SCTR: variants seen among roughly 807,000 people sequenced by gnomAD.
SCTR encodes the protein secretin receptor.
A neutral mutation model predicts 60.8 loss-of-function variants in SCTR; 56 were observed. The ratio of observed to expected loss-of-function variants is 0.92; its 90% CI spans 0.74 to 1.15. The LOEUF is 1.15. Among genes scored for constraint, SCTR ranks in the 50% most tolerant of loss-of-function variants. The pLI is 0.00. For missense variants in SCTR, 562 were observed against 550.4 expected, an observed-to-expected ratio of 1.02 and a Z score of -0.21; for synonymous variants, 202 against 217.0, an observed-to-expected ratio of 0.93 and a Z score of 0.61.
At chr2:119,508,835 T>C (rs1678845816) in intron 1 of SCTR, among the ~76,000 whole-genome samples, 1 of 152,250 alleles carries the variant, frequency 6.6e-6, no homozygotes, top group African/African-American at 2.4e-5. Flanking sequence ...GTGAAAACAC[T>C]TAAAATCTAC....
At chr2:119,474,038 G>A (rs905413429) in intron 3 of SCTR, among the ~76,000 whole-genome samples, 4 of 152,158 alleles carry the variant, frequency 2.6e-5, no homozygotes, top group Admixed American at 1.3e-4. Context: ...TCCAGGCAGC[G>A]CCCCTCACGG....
Position 119,453,307 on chromosome 2 carries a change from T to C in SCTR, c.831A>G (p.Arg277=), listed in dbSNP as rs1277291255. Reference sequence around the variant, plus strand: ...CTTACCCAACATCTTCCAGAAAGTGTCTGGCAATAGCCCACAAAGCAACAA... The same window carrying C: ...CTTACCCAACATCTTCCAGAAAGTGCCTGGCAATAGCCCACAAAGCAACAA... ...AIFVALWAIA[R]HFLEDVGCWD... is the part of the protein sequence containing the mutation. Residue 277 remains arginine, a synonymous_variant, in exon 8 of 13, where the codon AGA becomes AGG. Transcript: ENST00000019103. 3.1e-6 allele frequency: 5 copies of C among 1,613,466 alleles called. No homozygotes were observed. Among genetic ancestry groups the C allele is most frequent in the South Asian group, 1.1e-5 (1 of 91,062 alleles).
Position 119,441,539 on chromosome 2 carries a change from GT to G in SCTR, c.1182+18del, listed in dbSNP as rs1182337904. On this transcript the variant is annotated intron_variant, in intron 12 of 12. Transcript: ENST00000019103. ...GCTAGGAGCTCTCCTGGGTACCTGGGTGACCCAAGACTACTCACCTCCCCAT... is the reference window on the plus strand; with the variant it reads ...GCTAGGAGCTCTCCTGGGTACCTGGGGACCCAAGACTACTCACCTCCCCAT... 1.2e-6 allele frequency: 2 copies of G among 1,606,322 alleles called. No individual in the cohort carries two copies. The highest frequency in any genetic ancestry group is 2.7e-5 in the African/African-American group (2 of 74,780).
At chr2:119,468,259 A>G (rs1443523061) in intron 4 of SCTR, among the ~76,000 whole-genome samples, 1 of 152,240 alleles carries the variant, frequency 6.6e-6, no homozygotes, top group African/African-American at 2.4e-5. Context: ...AAGGCACAAG[A>G]ATAGAATAGG....
chr2:119,442,469 C>T (rs1413879665), intron 11 of SCTR, among the ~76,000 whole-genome samples: 1 of 152,262 alleles, frequency 6.6e-6, no homozygotes, highest in Non-Finnish European at 1.5e-5. Flanking sequence ...ACTCCTCCTC[C>T]CTAGTCCCAC....
At chr2:119,461,537 C>T (rs1233662162) in intron 7 of SCTR, among the ~76,000 whole-genome samples, 1 of 152,114 alleles carries the variant, frequency 6.6e-6, no homozygotes, top group African/African-American at 2.4e-5. Flanking sequence ...CAGGGCGAAA[C>T]CCTGTCTCTA....
At chr2:119,494,605 G>C in intron 1 of SCTR, 57 bp from the exon 2 acceptor site, 1 of 1,579,558 alleles carries the variant, frequency 6.3e-7, no homozygotes, top group Non-Finnish European at 8.7e-7. Context: ...TTTGCCACAT[G>C]GGGGAGAATG....
chr2:119,469,688 T>G (rs191258353), intron 4 of SCTR, among the ~76,000 whole-genome samples: 1 of 152,248 alleles, frequency 6.6e-6, no homozygotes, highest in East Asian at 1.9e-4. Flanking sequence ...AGATAGGGTC[T>G]CCCTATGTGG....
rs375106879 is a variant in SCTR, at chr2:119,473,540, G to A, written c.318C>T (p.Asn106=). ...TTTCTGACCAGCCATCCTGTGTGCA[G>A]TTTCGGAACAAGGAACCTGTGGGTG... ...LTSRNGSLFR[N]CTQDGWSETF... Residue 106 remains asparagine (N), a synonymous_variant, in exon 4 of 13, where the codon AAC becomes AAT. Coordinates refer to ENST00000019103, the MANE Select transcript of SCTR (RefSeq NM_002980.3). The A allele has an allele frequency of 4.3e-6, 7 of 1,613,780 alleles. No homozygotes were observed. The African/African-American group carries it at 5.3e-5, about 12-fold the overall frequency.
At chr2:119,451,144 C>T (rs1283964739) in intron 9 of SCTR, among the ~76,000 whole-genome samples, 1 of 152,190 alleles carries the variant, frequency 6.6e-6, no homozygotes, top group African/African-American at 2.4e-5. Flanking sequence ...CCCTACCCCA[C>T]GCAGGTGAGC....
chr2:119,488,031 G>A (rs751085881), intron 2 of SCTR, among the ~76,000 whole-genome samples: 23 of 152,098 alleles, frequency 1.5e-4, no homozygotes, highest in Non-Finnish European at 2.8e-4. Flanking sequence ...CATCACACCC[G>A]CTCCACACTC....
chr2:119,507,663 CT>C (rs751779879), intron 1 of SCTR, among the ~76,000 whole-genome samples: 2,450 of 114,634 alleles, frequency 0.021, 50 homozygotes, highest in African/African-American at 0.044. Context: ...CTTTCTCGTT[CT>C]TTTTTTTTTT....
At chr2:119,474,046 C>T (rs1422582161) in intron 3 of SCTR, among the ~76,000 whole-genome samples, 2 of 152,220 alleles carry the variant, frequency 1.3e-5, no homozygotes, top group Admixed American at 6.5e-5. Flanking sequence ...GCGCCCCTCA[C>T]GGAAGGGTGG....
chr2:119,521,051 T>C (rs1019714935), intron 1 of SCTR, among the ~76,000 whole-genome samples: 2 of 152,198 alleles, frequency 1.3e-5, no homozygotes, highest in African/African-American at 4.8e-5. Flanking sequence ...TGCTAGACAT[T>C]GTACAATGCA....
chr2:119,458,236 G>A (rs146741472), intron 7 of SCTR, among the ~76,000 whole-genome samples: 1,526 of 151,458 alleles, frequency 0.01, 15 homozygotes, highest in South Asian at 0.029. Flanking sequence ...AGCCCAGGAC[G>A]TTGAGGCTGC....
In SCTR at chr2:119,440,076, C is replaced by A; in HGVS notation, c.*41G>T. Reference sequence around the variant, plus strand: ...CAGCAGTGCCCAGCCTTCGCAGGACCTCTCTTGGTCTCTGTCCGTGGGTGA... The same window carrying A: ...CAGCAGTGCCCAGCCTTCGCAGGACATCTCTTGGTCTCTGTCCGTGGGTGA... On this transcript the variant is annotated 3_prime_UTR_variant, in exon 13 of 13. Coordinates refer to ENST00000019103, the MANE Select transcript of SCTR (RefSeq NM_002980.3). 1 of 1,587,658 alleles carries A rather than the reference C, an allele frequency of 6.3e-7. No homozygotes were observed. Among genetic ancestry groups the A allele is most frequent in the Non-Finnish European group, 8.6e-7 (1 of 1,162,356 alleles).
intron 3 of SCTR, 96 bp from the exon 4 acceptor site, chr2:119,473,652 C>A: frequency 1.3e-6 from 1 of 796,440 alleles, no homozygotes; most frequent in Admixed American, 2.0e-5. Context: ...TACAACCACT[C>A]TATAGTGTGG....
intron 1 of SCTR, among the ~76,000 whole-genome samples, chr2:119,501,162 G>A (rs2104917690): frequency 6.6e-6 from 1 of 152,288 alleles, no homozygotes; most frequent in Non-Finnish European, 1.5e-5. Flanking sequence ...TGTAATCCCA[G>A]CACTTTGGGA....
In SCTR at chr2:119,494,432, C is replaced by T. The variant is rs1678268206; in HGVS notation, c.189G>A (p.Val63=). ...GGGCTGTGGCAAGCCTCATACCTGG[C>T]ACTGGCTGCTCCGTGCCCAGGTCTC... is the stretch of plus-strand genomic sequence containing the variant. ...QTGDLGTEQP[V]PGCEGMWDNI... Residue 63 remains valine (V), a synonymous_variant, in exon 2 of 13, where the codon GTG becomes GTA. Coordinates refer to ENST00000019103, the MANE Select transcript of SCTR (RefSeq NM_002980.3). The T allele has an allele frequency of 6.2e-7, 1 of 1,613,682 alleles. No individual in the cohort carries two copies. Among genetic ancestry groups the T allele is most frequent in the Non-Finnish European group, 8.5e-7 (1 of 1,179,794 alleles).
Sources: allele counts gnomAD v4.1 joint callset (sites outside exome capture counted in the v4.1 genomes callset), GRCh38; gene constraint gnomAD v4.1.1; transcripts MANE v1.5; gene names NCBI Gene and HGNC (gene_info 2026-07-23, HGNC 2026-07-21).